Variants in IL1RAP observed in about 807,000 individuals in gnomAD.
IL1RAP encodes interleukin 1 receptor accessory protein, also known as interleukin-1 receptor accessory protein.
A neutral mutation model predicts 60.7 loss-of-function variants in IL1RAP; 35 were observed. The observed-to-expected ratio is 0.58, with a 90% CI of 0.44 to 0.76. IL1RAP has a LOEUF of 0.76. IL1RAP is among the 30% of genes least tolerant of loss of function. The probability of loss-of-function intolerance (pLI) is 0.00; values close to 1 mark genes in which losing one functional copy is unlikely to be tolerated. For synonymous variants in IL1RAP, 268 were observed against 250.9 expected, an observed-to-expected ratio of 1.07 and a Z score of -0.64; for missense variants, 572 against 693.9, an observed-to-expected ratio of 0.82 and a Z score of 1.97.
chr3:190,559,896 A>G (rs943358425), intron 2 of IL1RAP, among the ~76,000 whole-genome samples: 2 of 152,210 alleles, frequency 1.3e-5, no homozygotes, highest in Admixed American at 6.5e-5. Context: ...AACTGCAAAG[A>G]CAGGATGAAG....
chr3:190,648,961 C>A lies in IL1RAP; in HGVS notation c.*256C>A, dbSNP rs1204540376. On this transcript the variant is annotated 3_prime_UTR_variant, in exon 12 of 12. Transcript: ENST00000447382. Reference sequence around the variant, plus strand: ...TTTGCAGGCAAAGACTTGTTCAATGCGAATTTCCCCTTCTACATTGTCTAT... The same window carrying A: ...TTTGCAGGCAAAGACTTGTTCAATGAGAATTTCCCCTTCTACATTGTCTAT... 3 of 1,198,178 alleles carry A rather than the reference C, an allele frequency of 2.5e-6. No individual in the cohort carries two copies. Among genetic ancestry groups the A allele is most frequent in the African/African-American group, 1.6e-5 (1 of 63,894 alleles). 74.2% of individuals were successfully genotyped at this position (1,198,178 alleles called of 1,614,324 possible).
chr3:190,632,099 A>G (rs4686558), intron 9 of IL1RAP, among the ~76,000 whole-genome samples: 137,038 of 152,224 alleles, frequency 0.9, 61,891 homozygotes, highest in East Asian at 1. Context: ...CACCACGCCC[A>G]GCTCATTGTT....
intron 1 of IL1RAP, among the ~76,000 whole-genome samples, chr3:190,514,871 G>A (rs1721373850): frequency 6.9e-6 from 1 of 145,868 alleles, no homozygotes; most frequent in Non-Finnish European, 1.5e-5. Context: ...GGGGCACAGG[G>A]TGCCCCTCAC....
At chr3:190,546,316 G>A (rs370778406) in intron 1 of IL1RAP, among the ~76,000 whole-genome samples, 2 of 152,148 alleles carry the variant, frequency 1.3e-5, no homozygotes, top group African/African-American at 4.8e-5. Flanking sequence ...ATCACAGAAC[G>A]CTACCTGTCT....
chr3:190,515,906 T>C (rs1388804319), intron 1 of IL1RAP, among the ~76,000 whole-genome samples: 1 of 152,114 alleles, frequency 6.6e-6, no homozygotes, highest in Non-Finnish European at 1.5e-5. Flanking sequence ...CAAACTTGCC[T>C]TATTTAAACA....
At chr3:190,658,547 A>G (rs1232703407) in exon 12 of IL1RAP, 1 of 152,232 alleles carries the variant, frequency 6.6e-6, no homozygotes, top group Non-Finnish European at 1.5e-5. Flanking sequence ...GAAAATAAGA[A>G]GAACGAAGTC....
At chr3:190,572,061 A>G (rs1726975395) in intron 3 of IL1RAP, among the ~76,000 whole-genome samples, 1 of 152,054 alleles carries the variant, frequency 6.6e-6, no homozygotes, top group African/African-American at 2.4e-5. Context: ...CAAGGGGGAG[A>G]AATCTTTAAT....
intron 3 of IL1RAP, among the ~76,000 whole-genome samples, chr3:190,578,612 C>T (rs1426920547): frequency 6.6e-6 from 1 of 152,192 alleles, no homozygotes; most frequent in Non-Finnish European, 1.5e-5. Context: ...ATTAGCAACT[C>T]CCCACTTTCC....
At chr3:190,570,096 A>G (rs1726782283) in intron 3 of IL1RAP, among the ~76,000 whole-genome samples, 2 of 152,358 alleles carry the variant, frequency 1.3e-5, no homozygotes, top group African/African-American at 4.8e-5. Flanking sequence ...CCCACCCAGG[A>G]TAACAACACA....
chr3:190,596,085 G>A (rs1245610416), intron 3 of IL1RAP, among the ~76,000 whole-genome samples: 1 of 152,184 alleles, frequency 6.6e-6, no homozygotes, highest in East Asian at 1.9e-4. Context: ...AGTGGCACAT[G>A]GAAAATAATT....
intron 9 of IL1RAP, among the ~76,000 whole-genome samples, chr3:190,639,782 A>G (rs67249092): frequency 0.17 from 25,651 of 152,226 alleles, 2,467 homozygotes; most frequent in African/African-American, 0.25. Flanking sequence ...TGCTTTTAAA[A>G]AAGCATCTTA....
Position 190,651,242 on chromosome 3 carries a change from T to C in IL1RAP, c.*2537T>C, listed in dbSNP as rs1450722936. On this transcript the variant is annotated 3_prime_UTR_variant, in exon 12 of 12. Transcript: ENST00000447382. The stretch of plus-strand genomic sequence containing the variant: ...TGCCCAGGTTAACAAAGAACTGTGA[T>C]ATATAGAGTGTCTAATTACAAAATC... The C allele has an allele frequency of 3.1e-6, 3 of 975,170 alleles. No homozygotes were observed. The African/African-American group carries it at 5.3e-5, about 17-fold the overall frequency. 60.4% of individuals were successfully genotyped at this position (975,170 alleles called of 1,614,324 possible).
Position 190,574,547 on chromosome 3 carries a change from C to T in IL1RAP, c.64+10194C>T, listed in dbSNP as rs76823892. On this transcript the variant is annotated intron_variant, in intron 3 of 11. Transcript: ENST00000447382. ...TTGCTCCTTTTCCAATGACTGACTG[C>T]AGGCTCTGTCCCTCCACTTAGGTGT... 7.9e-3 allele frequency among the ~76,000 whole-genome samples: 1,204 copies of T among 152,358 alleles called. 15 individuals carry two copies. The highest frequency in any genetic ancestry group is 0.027 in the African/African-American group (1,120 of 41,588).
At chr3:190,606,754 G>A (rs2108758149) in intron 4 of IL1RAP, among the ~76,000 whole-genome samples, 1 of 152,242 alleles carries the variant, frequency 6.6e-6, no homozygotes, top group African/African-American at 2.4e-5. Context: ...AGCACTACTA[G>A]GTTTCCTGTT....
chr3:190,636,203 G>A (rs1733210244), intron 9 of IL1RAP, among the ~76,000 whole-genome samples: 1 of 152,226 alleles, frequency 6.6e-6, no homozygotes, highest in African/African-American at 2.4e-5. Flanking sequence ...GTGGTGTCCA[G>A]TAAATGTCAA....
At chr3:190,626,029 C>T (rs368657444) in intron 7 of IL1RAP, among the ~76,000 whole-genome samples, 12 of 152,118 alleles carry the variant, frequency 7.9e-5, no homozygotes, top group East Asian at 1.9e-4. Flanking sequence ...ATTAGGGTGA[C>T]GATATAATTT....
intron 3 of IL1RAP, among the ~76,000 whole-genome samples, chr3:190,568,431 C>T (rs1371044124): frequency 1.3e-5 from 2 of 152,180 alleles, no homozygotes; most frequent in Non-Finnish European, 2.9e-5. Flanking sequence ...GGACTGTGCT[C>T]TGCTACTAGA....
intron 2 of IL1RAP, among the ~76,000 whole-genome samples, chr3:190,557,071 C>T (rs1725490698): frequency 6.6e-6 from 1 of 152,134 alleles, no homozygotes; most frequent in Non-Finnish European, 1.5e-5. Context: ...TAGAAGGATC[C>T]ATGAACCCCT....
intron 4 of IL1RAP, among the ~76,000 whole-genome samples, chr3:190,607,047 G>A (rs576415121): frequency 2.0e-5 from 3 of 152,010 alleles, no homozygotes; most frequent in Non-Finnish European, 2.9e-5. Context: ...TTATTTGTAG[G>A]TAGGGGTCAT....
Sources: allele counts gnomAD v4.1 joint callset (sites outside exome capture counted in the v4.1 genomes callset), GRCh38; gene constraint gnomAD v4.1.1; transcripts MANE v1.5; gene names NCBI Gene and HGNC (gene_info 2026-07-23, HGNC 2026-07-21).